The following FMN2 variants were observed in gnomAD, a reference collection of about 807,000 sequenced individuals.
The protein encoded by FMN2 is formin 2.
Under a neutral mutation model 142.3 loss-of-function variants are expected in FMN2, and 51 were observed. The ratio of observed to expected loss-of-function variants is 0.36; its 90% CI spans 0.29 to 0.45. FMN2 has a LOEUF of 0.45. FMN2 is among the 20% of genes least tolerant of loss of function. The pLI is 1.00. For missense variants in FMN2, 1,936 were observed against 2,122.8 expected (o/e 0.91, Z 1.73); for synonymous variants, 882 against 869.8 (o/e 1.01, Z -0.25).
intron 7 of FMN2, among the ~76,000 whole-genome samples, chr1:240,272,529 C>G (rs963555466): frequency 2.0e-5 from 3 of 152,120 alleles, no homozygotes; most frequent in African/African-American, 7.2e-5. Flanking sequence ...TCCAGCATCC[C>G]TAAGTGGATA....
At chr1:240,150,700 G>C (rs1389554785) in intron 2 of FMN2, among the ~76,000 whole-genome samples, 2 of 151,948 alleles carry the variant, frequency 1.3e-5, no homozygotes, top group Admixed American at 1.3e-4. Flanking sequence ...CTTTGCTGAG[G>C]GTTTTACACA....
chr1:240,127,989 G>A lies in FMN2; in HGVS notation c.1782+4644G>A, dbSNP rs572691387. Reference sequence around the variant, plus strand: ...TGGTGGGGCAGACATGGCGACAAGAGAACACAAGGAAATCAAGGATGACTT... The same window carrying A: ...TGGTGGGGCAGACATGGCGACAAGAAAACACAAGGAAATCAAGGATGACTT... On this transcript the variant is annotated intron_variant, in intron 2 of 17. Transcript: ENST00000319653. Among the ~76,000 whole-genome samples, 23 of 152,308 alleles carry A rather than the reference G, an allele frequency of 1.5e-4. No homozygotes were observed. In the South Asian group the frequency reaches 4.4e-3, roughly 29 times the overall value.
chr1:240,214,455 G>A (rs1260665272), intron 6 of FMN2, among the ~76,000 whole-genome samples: 2 of 151,578 alleles, frequency 1.3e-5, no homozygotes, highest in Non-Finnish European at 2.9e-5. Context: ...GGAGGCTGAG[G>A]CAGGAGAATG....
chr1:240,148,353 C>CAG (rs112012554), intron 2 of FMN2, among the ~76,000 whole-genome samples: 40,682 of 110,616 alleles, frequency 0.37, 6,377 homozygotes, highest in South Asian at 0.52. Flanking sequence ...GAGAGAAAGA[C>CAG]AGAGAGACAG....
At chr1:240,432,971 T>C (rs967485469) in intron 15 of FMN2, among the ~76,000 whole-genome samples, 1 of 152,158 alleles carries the variant, frequency 6.6e-6, no homozygotes, top group African/African-American at 2.4e-5. Flanking sequence ...AGATGCCAAC[T>C]GGGTCAGTTT....
chr1:240,460,620 T>A (rs1432166187), intron 16 of FMN2, among the ~76,000 whole-genome samples: 2 of 151,610 alleles, frequency 1.3e-5, no homozygotes, highest in Non-Finnish European at 2.9e-5. Context: ...AATAGAAACA[T>A]AAATAAATAA....
rs554936918 is a variant in FMN2, at chr1:240,315,579, A to G, written c.4216-13497A>G. Among the ~76,000 whole-genome samples, 12 of 152,340 alleles carry G rather than the reference A, an allele frequency of 7.9e-5. No individual in the cohort carries two copies. The East Asian group carries it at 1.9e-3, about 24-fold the overall frequency. On this transcript the variant is annotated intron_variant, in intron 8 of 17. Transcript: ENST00000319653. ...TTCTTGTTTTCTCACATTTGCCAAC[A>G]TACAAGTGTTCAAGACTTTCAGGTC...
intron 5 of FMN2, among the ~76,000 whole-genome samples, chr1:240,208,939 C>T (rs1434932722): frequency 1.3e-5 from 2 of 152,130 alleles, no homozygotes; most frequent in Admixed American, 6.5e-5. Context: ...AAAATAAATA[C>T]ATATACGTAT....
At chr1:240,392,282 A>T (rs1673629331) in intron 14 of FMN2, among the ~76,000 whole-genome samples, 1 of 152,132 alleles carries the variant, frequency 6.6e-6, no homozygotes, top group Non-Finnish European at 1.5e-5. Context: ...ATTTTTGATT[A>T]GATAATATAT....
chr1:240,264,373 GTTTA>G (rs765485189), intron 7 of FMN2, among the ~76,000 whole-genome samples: 5 of 152,028 alleles, frequency 3.3e-5, no homozygotes, highest in Non-Finnish European at 7.4e-5. Flanking sequence ...TTTTAAATTT[GTTTA>G]TTTATTTTTA....
rs751916061 is a variant in FMN2, at chr1:240,092,261, G to T, written c.152G>T (p.Gly51Val). 6.5e-7 allele frequency: 1 copy of T among 1,534,256 alleles called. No homozygotes were observed. The highest frequency in any genetic ancestry group is 2.3e-5 in the East Asian group (1 of 43,444). Residue 51 changes from glycine (G) to valine (V), a missense_variant, in exon 1 of 18, where the codon GGG becomes GTG. Physicochemically the swap from Gly to Val is moderately radical, Grantham distance 109. Around this residue, in one of 8 missense-constraint regions of FMN2, gnomAD observed 751 missense variants for 791.8 expected, o/e 0.95. Transcript: ENST00000319653. ...GKKALGKHGK[G>V]GGGGGGGGES... is the part of the protein sequence containing the mutation. ...AAGGCGCTAGGCAAGCACGGCAAGG[G>T]GGGAGGGGGCGGCGGCGGCGGCGGG...
At chr1:240,177,238 C>G (rs769076577) in intron 2 of FMN2, among the ~76,000 whole-genome samples, 32 of 152,160 alleles carry the variant, frequency 2.1e-4, no homozygotes, top group Non-Finnish European at 4.1e-4. Flanking sequence ...GCAGGCTTCC[C>G]TGTGAGATTT....
At chr1:240,422,163 G>T (rs1674790178) in intron 15 of FMN2, among the ~76,000 whole-genome samples, 1 of 152,184 alleles carries the variant, frequency 6.6e-6, no homozygotes, top group Non-Finnish European at 1.5e-5. Context: ...TAGCTTTATA[G>T]TAACTCTTGA....
chr1:240,447,825 A>G (rs1212635494), intron 16 of FMN2, among the ~76,000 whole-genome samples: 4 of 152,214 alleles, frequency 2.6e-5, no homozygotes, highest in Non-Finnish European at 5.9e-5. Flanking sequence ...ATCTACTCAA[A>G]AAAAGTTGAC....
intron 2 of FMN2, chr1:240,143,361 A>AT: frequency 1.4e-6 from 2 of 1,467,406 alleles, no homozygotes; most frequent in Non-Finnish European, 1.9e-6. Context: ...GCAAGTGGCC[A>AT]AAGGTTCATA....
intron 13 of FMN2, among the ~76,000 whole-genome samples, chr1:240,336,786 A>C (rs191332686): frequency 7.2e-5 from 11 of 152,250 alleles, no homozygotes; most frequent in Admixed American, 7.2e-4. Context: ...GTAATTATAT[A>C]TTACTCTTCT....
chr1:240,377,671 C>CCTACCT (rs1314292440), intron 14 of FMN2, among the ~76,000 whole-genome samples: 1 of 152,064 alleles, frequency 6.6e-6, no homozygotes, highest in Non-Finnish European at 1.5e-5. Flanking sequence ...CGCTAACTCT[C>CCTACCT]CTACCTTTCT....
intron 2 of FMN2, among the ~76,000 whole-genome samples, chr1:240,133,808 T>A (rs1662833968): frequency 6.6e-6 from 1 of 152,338 alleles, no homozygotes; most frequent in Non-Finnish European, 1.5e-5. Context: ...AAAGGATATA[T>A]TACACATATT....
At chr1:240,192,149 T>C (rs542497887) in intron 4 of FMN2, among the ~76,000 whole-genome samples, 2 of 152,232 alleles carry the variant, frequency 1.3e-5, no homozygotes, top group Admixed American at 1.3e-4. Context: ...ATTTTTTTAC[T>C]GGATCTCCTT....
Sources: allele counts gnomAD v4.1 joint callset (sites outside exome capture counted in the v4.1 genomes callset), GRCh38; gene constraint gnomAD v4.1.1; regional missense constraint gnomAD v4.1.1; transcripts MANE v1.5; gene names NCBI Gene and HGNC (gene_info 2026-07-23, HGNC 2026-07-21).